RASGRF2: variants seen among roughly 807,000 people sequenced by gnomAD.
The protein encoded by RASGRF2 is Ras protein specific guanine nucleotide releasing factor 2, also known as ras-specific guanine nucleotide-releasing factor 2.
RASGRF2 carries 76 observed loss-of-function variants against 151.0 expected under a neutral mutation model. That is an observed-to-expected ratio of 0.50 (90% CI 0.42 to 0.61). RASGRF2 has a LOEUF of 0.61. Among genes scored for constraint, RASGRF2 ranks in the 20% least tolerant of loss-of-function variants. RASGRF2 has a pLI of 0.00. For synonymous variants in RASGRF2, 504 were observed against 566.5 expected (o/e 0.89, Z 1.57); for missense variants, 1,148 against 1,564.6 (o/e 0.73, Z 4.49).
chr5:81,157,259 GC>G (rs1304513946), intron 17 of RASGRF2, among the ~76,000 whole-genome samples: 1 of 151,636 alleles, frequency 6.6e-6, no homozygotes, highest in Non-Finnish European at 1.5e-5. Context: ...AGAGGCTGAG[GC>G]AGGAGAATGG....
At chr5:81,165,278 A>G (rs763875136) in intron 17 of RASGRF2, among the ~76,000 whole-genome samples, 2 of 152,222 alleles carry the variant, frequency 1.3e-5, no homozygotes, top group African/African-American at 2.4e-5. Context: ...AGGAAATACC[A>G]AGGTCTTCCC....
rs558553017 is a variant in RASGRF2, at chr5:81,085,964, C to G, written c.1271+53C>G. The G allele has an allele frequency of 7.7e-5, 124 of 1,611,284 alleles. No individual in the cohort carries two copies. In the African/African-American group the frequency reaches 1.4e-3, roughly 18 times the overall value. On this transcript the variant is annotated intron_variant, in intron 8 of 26. Transcript: ENST00000265080. ...TGGGAGAGGAAAGCAGCAAGTTAGT[C>G]TCTTGTGGAAACCTCCTGTATATGT...
intron 17 of RASGRF2, among the ~76,000 whole-genome samples, chr5:81,128,092 A>G (rs891395132): frequency 3.9e-5 from 6 of 152,154 alleles, no homozygotes; most frequent in African/African-American, 1.4e-4. Context: ...AGTCAAATGC[A>G]TAGAAGTAGA....
At chr5:81,132,738 A>C (rs375454666) in intron 17 of RASGRF2, among the ~76,000 whole-genome samples, 14 of 152,208 alleles carry the variant, frequency 9.2e-5, no homozygotes, top group African/African-American at 3.1e-4. Flanking sequence ...TGTTGCACCC[A>C]TACCCACAGA....
At chr5:81,132,569 A>G (rs1753650374) in intron 17 of RASGRF2, among the ~76,000 whole-genome samples, 1 of 152,160 alleles carries the variant, frequency 6.6e-6, no homozygotes, top group Non-Finnish European at 1.5e-5. Context: ...TATTCATTTG[A>G]TGTAAGACTT....
intron 1 of RASGRF2, among the ~76,000 whole-genome samples, chr5:80,982,351 TG>T (rs1420794275): frequency 6.6e-6 from 1 of 152,102 alleles, no homozygotes; most frequent in African/African-American, 2.4e-5. Context: ...TACATATTCT[TG>T]GAAGGGGAAG....
chr5:81,094,441 C>A, intron 11 of RASGRF2, 79 bp downstream of exon 11: 2 of 1,330,490 alleles, frequency 1.5e-6, no homozygotes, highest in South Asian at 1.3e-5. Flanking sequence ...TCCCTAAAGT[C>A]ATTTATGTAT....
Position 81,219,707 on chromosome 5 carries a change from T to C in RASGRF2, c.3553-3T>C. 6.2e-7 allele frequency: 1 copy of C among 1,606,978 alleles called. No individual in the cohort carries two copies. Among genetic ancestry groups the C allele is most frequent in the Non-Finnish European group, 8.5e-7 (1 of 1,173,640 alleles). The stretch of plus-strand genomic sequence containing the variant: ...CATTTTGTTTTGTTTTTTTCTCTGT[T>C]AGATATCACACATCATCAGAGAGAT... On this transcript the variant is annotated splice_polypyrimidine_tract_variant and splice_region_variant and intron_variant, in intron 25 of 26. Transcript: ENST00000265080.
chr5:80,994,405 G>A (rs965616318), intron 1 of RASGRF2, among the ~76,000 whole-genome samples: 5 of 149,198 alleles, frequency 3.4e-5, no homozygotes, highest in Admixed American at 1.3e-4. Context: ...TCAAAGCAAC[G>A]ATCGAACTCT....
chr5:81,180,334 T>C, intron 18 of RASGRF2, 53 bp downstream of exon 18: 1 of 1,149,212 alleles, frequency 8.7e-7, no homozygotes, highest in South Asian at 1.2e-5. Flanking sequence ...AAAATCATCT[T>C]TTTAAGTTGT....
In RASGRF2 at chr5:81,003,328, T is replaced by C. The variant is rs531232388; in HGVS notation, c.289-39549T>C. ...AGCTCCGCCTCCCGGGTTCACGCCATTGTCCTGCCTCAGCCTCCTGAGTAG... is the reference window on the plus strand; with the variant it reads ...AGCTCCGCCTCCCGGGTTCACGCCACTGTCCTGCCTCAGCCTCCTGAGTAG... On this transcript the variant is annotated intron_variant, in intron 1 of 26. Transcript: ENST00000265080. 3.0e-3 allele frequency among the ~76,000 whole-genome samples: 458 copies of C among 150,426 alleles called. 5 individuals carry two copies. Among genetic ancestry groups the C allele is most frequent in the Non-Finnish European group, 3.4e-3 (230 of 67,652 alleles).
chr5:81,126,517 A>G (rs1753457076), intron 16 of RASGRF2, among the ~76,000 whole-genome samples: 1 of 152,178 alleles, frequency 6.6e-6, no homozygotes. Context: ...AAGAAACCCT[A>G]TAAATATCAG....
intron 12 of RASGRF2, chr5:81,096,364 G>C (rs1752547947): frequency 6.6e-6 from 1 of 152,132 alleles, no homozygotes; most frequent in Non-Finnish European, 1.5e-5. Flanking sequence ...ATCATTCATT[G>C]ACTCTTTGAA....
At chr5:81,146,905 G>T (rs42430) in intron 17 of RASGRF2, among the ~76,000 whole-genome samples, 25,419 of 152,040 alleles carry the variant, frequency 0.17, 2,651 homozygotes, top group East Asian at 0.43. Flanking sequence ...TCTTCAATTG[G>T]TTATATAGGT....
intron 17 of RASGRF2, among the ~76,000 whole-genome samples, chr5:81,131,946 A>G (rs570502663): frequency 8.5e-5 from 13 of 152,340 alleles, no homozygotes; most frequent in South Asian, 8.3e-4. Context: ...CTGTCTGTTT[A>G]TAGTGTTTCT....
At position 81,207,244 on chromosome 5, in the gene RASGRF2, AGACT is replaced by A; in HGVS notation, c.2972_2975del (p.Asp991AlafsTer2). The A allele has an allele frequency of 1.9e-6, 3 of 1,614,058 alleles. No individual in the cohort carries two copies. The highest frequency in any genetic ancestry group is 2.5e-6 in the Non-Finnish European group (3 of 1,179,922). ...TTCATTTCCCTCCCTCATCTCTTGC[AGACT>A]GACTGCATGAAGGCCGAATGCTTTG... On this transcript the variant is annotated splice_acceptor_variant and coding_sequence_variant, in exon 21 of 27. Transcript: ENST00000265080. LOFTEE classifies it high-confidence loss of function.
chr5:81,056,075 C>T (rs1332090623), intron 2 of RASGRF2, among the ~76,000 whole-genome samples: 1 of 152,078 alleles, frequency 6.6e-6, no homozygotes, highest in East Asian at 1.9e-4. Flanking sequence ...TTTCAAAAAA[C>T]CAGCTCCTGG....
At chr5:81,149,614 G>A (rs1754088533) in intron 17 of RASGRF2, among the ~76,000 whole-genome samples, 2 of 151,144 alleles carry the variant, frequency 1.3e-5, no homozygotes, top group Non-Finnish European at 2.9e-5. Flanking sequence ...TGAAACTGTT[G>A]AAATAAAATT....
rs181208959 is a variant in RASGRF2 at position 81,227,237 on chromosome 5, C to A, written c.*1467C>A. 2 of 152,224 alleles carry A rather than the reference C, an allele frequency of 1.3e-5. No homozygotes were observed. Among genetic ancestry groups the A allele is most frequent in the Non-Finnish European group, 2.9e-5 (2 of 68,042 alleles). 9.4% of individuals were successfully genotyped at this position (152,224 alleles called of 1,614,324 possible). A position where few individuals can be genotyped will look rare whatever the true frequency, so the allele number is the denominator to read the frequency against. ...AGAGCTAACAGACTAATAAATTCCA[C>A]CTGCTGGCTCTTAAGACTCAGTGAA... On this transcript the variant is annotated 3_prime_UTR_variant, in exon 27 of 27. Coordinates refer to ENST00000265080, the MANE Select transcript of RASGRF2 (RefSeq NM_006909.3).
Sources: gnomAD v4.1 joint callset for allele counts (sites outside exome capture counted in the v4.1 genomes callset) on GRCh38, gnomAD v4.1.1 for gene constraint, MANE v1.5 for transcripts, NCBI Gene and HGNC (gene_info 2026-07-23, HGNC 2026-07-21) for gene names.